The following GEMIN7 variants were observed in gnomAD, a reference collection of about 807,000 sequenced individuals.
The protein encoded by GEMIN7 is gem nuclear organelle associated protein 7.
GEMIN7 carries 7 observed loss-of-function variants against 7.8 expected under a neutral mutation model. That is an observed-to-expected ratio of 0.90 (90% confidence interval 0.51 to 1.69). The LOEUF is 1.69. Among genes scored for constraint, GEMIN7 ranks in the 40% most tolerant of loss-of-function variants. GEMIN7 has a pLI of 0.00. For missense variants in GEMIN7, 159 were observed against 176.2 expected (o/e 0.90, Z 0.55); for synonymous variants, 68 against 72.4 (o/e 0.94, Z 0.31).
chr19:45,089,475 A>G (rs946210908), intron 2 of GEMIN7, among the ~76,000 whole-genome samples: 6 of 152,146 alleles, frequency 3.9e-5, no homozygotes, highest in African/African-American at 1.4e-4. Context: ...TGTGAGTGGG[A>G]ATCTATCTAG....
upstream of GEMIN7, chr19:45,075,774 G>C (rs748850944): frequency 1.9e-6 from 3 of 1,614,172 alleles, no homozygotes; most frequent in Non-Finnish European, 2.5e-6. Flanking sequence ...TGTGGTCCAT[G>C]AAGGCAGTGA....
chr19:45,088,607 A>C (rs1043985785), intron 2 of GEMIN7: 2 of 152,306 alleles, frequency 1.3e-5, no homozygotes, highest in Admixed American at 6.5e-5. Flanking sequence ...GATTATAGGC[A>C]TGAGCCACCA....
rs1967868923 is a variant in GEMIN7, at chr19:45,090,689, C to G, written c.*179C>G. On this transcript the variant is annotated 3_prime_UTR_variant, in exon 3 of 3. Coordinates refer to ENST00000270257, the MANE Select transcript of GEMIN7 (RefSeq NM_024707.3). ...GGGTCTAGTCAGTAAAATTCTGCAA[C>G]TCTAGGAATTCTAAGATCCCATTGG... 1.6e-6 allele frequency: 1 copy of G among 607,776 alleles called. No homozygotes were observed. The highest frequency in any genetic ancestry group is 1.9e-5 in the African/African-American group (1 of 53,704). 37.6% of individuals were successfully genotyped at this position (607,776 alleles called of 1,614,324 possible).
intron 2 of GEMIN7, 55 bp from the exon 3 acceptor site, chr19:45,090,052 A>G: frequency 6.5e-7 from 1 of 1,540,636 alleles, no homozygotes; most frequent in Non-Finnish European, 8.8e-7. Context: ...TCCCTCCTCC[A>G]TTAGCCCCAT....
chr19:45,089,507 T>C (rs566193990), intron 2 of GEMIN7, among the ~76,000 whole-genome samples: 3 of 152,124 alleles, frequency 2.0e-5, no homozygotes, highest in South Asian at 2.1e-4. Flanking sequence ...TCCTGATGGA[T>C]TGGGTGGGTT....
chr19:45,079,766 G>C (rs1301183584), intron 1 of GEMIN7, 141 bp from the exon 2 acceptor site: 1 of 152,324 alleles, frequency 6.6e-6, no homozygotes, highest in Non-Finnish European at 1.5e-5. Flanking sequence ...GGGAGAAGGG[G>C]AGGGGAGAGA....
upstream of GEMIN7, chr19:45,075,684 A>C: frequency 6.2e-7 from 1 of 1,607,628 alleles, no homozygotes; most frequent in South Asian, 1.1e-5. Context: ...CTCGAACTTG[A>C]GAGGGGGACT....
At chr19:45,078,455 T>G (rs1202530520), upstream of GEMIN7, among the ~76,000 whole-genome samples, 1 of 152,192 alleles carries the variant, frequency 6.6e-6, no homozygotes, top group East Asian at 1.9e-4. Flanking sequence ...TTTGCTCATT[T>G]TACCCTATTC....
intron 2 of GEMIN7, among the ~76,000 whole-genome samples, chr19:45,084,234 GAAATT>G (rs950256592): frequency 5.0e-5 from 5 of 99,696 alleles, no homozygotes; most frequent in African/African-American, 1.5e-4. Context: ...AAAAAAAAAA[GAAATT>G]AAAATTTAGT....
intron 2 of GEMIN7, among the ~76,000 whole-genome samples, chr19:45,088,111 A>G (rs1302064658): frequency 6.6e-6 from 1 of 150,764 alleles, no homozygotes; most frequent in East Asian, 2.0e-4. Context: ...ATGCTTGGCT[A>G]ATTTTTGTAT....
At chr19:45,086,473 T>A (rs1967692822) in intron 2 of GEMIN7, among the ~76,000 whole-genome samples, 1 of 152,152 alleles carries the variant, frequency 6.6e-6, no homozygotes, top group African/African-American at 2.4e-5. Context: ...CATTTCCCTA[T>A]ACACATTCAA....
upstream of GEMIN7, chr19:45,076,528 C>A: frequency 2.0e-6 from 1 of 505,042 alleles, no homozygotes; most frequent in Non-Finnish European, 3.0e-6. The surrounding 1 kb of genome is among the most constrained non-coding windows in gnomAD (Gnocchi z 4.9). Flanking sequence ...CCCGTGGCTC[C>A]GCCTACCAGG....
chr19:45,075,678 A>G (rs1409755618), upstream of GEMIN7: 2 of 1,606,338 alleles, frequency 1.2e-6, no homozygotes, highest in Non-Finnish European at 8.5e-7. Context: ...CCAGCCCTCG[A>G]ACTTGAGAGG....
Position 45,090,434 on chromosome 19 carries a change from T to C in GEMIN7, c.320T>C (p.Leu107Pro). ...GTGGCCAACTTCTACGTGTCACAGCTGCAGACTCCCATAGGTGTGCAAGCA... is the reference window on the plus strand; with the variant it reads ...GTGGCCAACTTCTACGTGTCACAGCCGCAGACTCCCATAGGTGTGCAAGCA... Reference protein sequence around the residue: ...LDVANFYVSQLQTPIGVQAEA... With the variant: ...LDVANFYVSQPQTPIGVQAEA... The change falls in exon 3 of 3, where the codon CTG becomes CCG. Residue 107 changes from leucine to proline, a missense_variant. Coordinates refer to ENST00000270257, the MANE Select transcript of GEMIN7 (RefSeq NM_024707.3). 1 of 1,614,146 alleles carries C rather than the reference T, an allele frequency of 6.2e-7. No individual in the cohort carries two copies. The highest frequency in any genetic ancestry group is 8.5e-7 in the Non-Finnish European group (1 of 1,180,042).
At position 45,079,378 on chromosome 19, in the gene GEMIN7, G is replaced by A. The variant is rs932867463; in HGVS notation, c.-132+1G>A. On this transcript the variant is annotated splice_donor_variant, in intron 1 of 2. Transcript: ENST00000270257. LOFTEE classifies it low-confidence loss of function (5UTR_SPLICE). ...GCAACGCCCTGAGTGACGGAAAGAGGTAGGACCGCGCCTGCAGCGCCGGCT... is the reference window on the plus strand; with the variant it reads ...GCAACGCCCTGAGTGACGGAAAGAGATAGGACCGCGCCTGCAGCGCCGGCT... 1 of 152,330 alleles carries A rather than the reference G, an allele frequency of 6.6e-6. No individual in the cohort carries two copies. The highest frequency in any genetic ancestry group is 2.4e-5 in the African/African-American group (1 of 41,474). The allele number at this position is 152,330 out of a possible 1,614,324, so 9.4% of individuals were successfully genotyped here.
upstream of GEMIN7, among the ~76,000 whole-genome samples, chr19:45,078,968 A>C (rs1307723273): frequency 6.6e-6 from 1 of 152,166 alleles, no homozygotes; most frequent in Non-Finnish European, 1.5e-5. Context: ...GGATGCAAAG[A>C]CCGAGCTCTG....
upstream of GEMIN7, among the ~76,000 whole-genome samples, chr19:45,078,570 T>C (rs1967403197): frequency 6.6e-6 from 1 of 152,178 alleles, no homozygotes. Flanking sequence ...TCAACAAATA[T>C]TTATTGCGCA....
upstream of GEMIN7, chr19:45,076,155 C>T (rs766851442): frequency 1.0e-4 from 159 of 1,544,370 alleles, 1 homozygote; most frequent in Non-Finnish European, 1.4e-4. This position sits in a 1 kb window ranked among gnomAD's most constrained non-coding sequence, Gnocchi z 4.9. Flanking sequence ...CCCCGGCGGG[C>T]ATGGGGCCAG....
chr19:45,080,336 C>A (rs1197519057), intron 2 of GEMIN7, among the ~76,000 whole-genome samples: 1 of 151,940 alleles, frequency 6.6e-6, no homozygotes, highest in East Asian at 1.9e-4. Context: ...AGAGTTTGCT[C>A]CCTCTTCCTC....
Sources: gnomAD v4.1 joint callset for allele counts (sites outside exome capture counted in the v4.1 genomes callset) on GRCh38, gnomAD v4.1.1 for gene constraint, Gnocchi (gnomAD v3.1) non-coding constraint, MANE v1.5 for transcripts, NCBI Gene and HGNC (gene_info 2026-07-23, HGNC 2026-07-21) for gene names.